The following TMEM106B variants were observed in gnomAD, a reference collection of about 807,000 sequenced individuals.
The protein encoded by TMEM106B is transmembrane protein 106B.
Under a neutral mutation model 31.1 loss-of-function variants are expected in TMEM106B, and 15 were observed. The ratio of observed to expected loss-of-function variants is 0.48; its 90% CI spans 0.32 to 0.74. The LOEUF (loss-of-function observed/expected upper bound fraction) is 0.74, where lower values mean the gene tolerates loss of function less well. Among genes scored for constraint, TMEM106B ranks in the 30% least tolerant of loss-of-function variants. The pLI is 0.03. For synonymous variants in TMEM106B, 126 were observed against 112.5 expected (o/e 1.12, Z -0.76); for missense variants, 283 against 327.3 (o/e 0.86, Z 1.04).
In TMEM106B at chr7:12,239,551, A is replaced by G. The variant is rs138886285; in HGVS notation, c.*7576A>G. 68 of 152,292 alleles carry G rather than the reference A, an allele frequency of 4.5e-4. No homozygotes were observed. Among genetic ancestry groups the G allele is most frequent in the African/African-American group, 1.6e-3 (65 of 41,570 alleles). The allele number at this position is 152,292 out of a possible 1,614,324, so 9.4% of individuals were successfully genotyped here. ...TGACTTTCCAAGATTGTCCTTGGTG[A>G]GAAATGCTTGATTACTAGGTGTAAT... On this transcript the variant is annotated 3_prime_UTR_variant, in exon 8 of 8. Transcript: ENST00000396668.
At chr7:12,229,557 T>C (rs1781973009) in intron 4 of TMEM106B, 122 bp from the exon 5 acceptor site, 1 of 781,886 alleles carries the variant, frequency 1.3e-6, no homozygotes, top group Non-Finnish European at 1.9e-6. Context: ...CTTTGACATT[T>C]TGGTATTACT....
intron 3 of TMEM106B, among the ~76,000 whole-genome samples, chr7:12,223,495 T>C (rs1329354231): frequency 1.3e-5 from 2 of 152,112 alleles, no homozygotes; most frequent in Non-Finnish European, 2.9e-5. Flanking sequence ...TTCCCCATCA[T>C]TATTATTTCT....
At chr7:12,224,466 G>A (rs545758022) in intron 4 of TMEM106B, 81 bp downstream of exon 4, 164 of 1,218,218 alleles carry the variant, frequency 1.3e-4, no homozygotes, top group Admixed American at 3.7e-4. Context: ...ATTGAGAAGA[G>A]ATGTTTGTTA....
chr7:12,231,242 C>A, intron 7 of TMEM106B, 127 bp downstream of exon 7: 2 of 656,620 alleles, frequency 3.0e-6, no homozygotes, highest in Non-Finnish European at 2.6e-6. Flanking sequence ...TACAAGAGTG[C>A]TATGAGTAAA....
chr7:12,225,540 G>A (rs1412594912), intron 4 of TMEM106B, among the ~76,000 whole-genome samples: 4 of 152,084 alleles, frequency 2.6e-5, no homozygotes, highest in African/African-American at 9.7e-5. Context: ...GTTGTTTCCT[G>A]AACTTTTTAA....
chr7:12,227,251 G>A (rs1781919285), intron 4 of TMEM106B, among the ~76,000 whole-genome samples: 1 of 151,918 alleles, frequency 6.6e-6, no homozygotes, highest in Non-Finnish European at 1.5e-5. Context: ...GAACTGCTTT[G>A]CTTTCTTAAA....
intron 3 of TMEM106B, among the ~76,000 whole-genome samples, chr7:12,222,380 A>G (rs566898766): frequency 5.9e-5 from 9 of 152,170 alleles, no homozygotes; most frequent in Non-Finnish European, 1.0e-4. Flanking sequence ...TTATTGTCCC[A>G]CCAGGTTCAG....
At chr7:12,219,037 T>TC (rs1253591212) in intron 3 of TMEM106B, among the ~76,000 whole-genome samples, 5 of 109,078 alleles carry the variant, frequency 4.6e-5, no homozygotes, top group African/African-American at 2.2e-4. Flanking sequence ...ATTTGCATGC[T>TC]CTAGCTTGGA....
intron 3 of TMEM106B, among the ~76,000 whole-genome samples, chr7:12,220,252 G>T (rs569916095): frequency 1.6e-4 from 24 of 152,244 alleles, no homozygotes; most frequent in African/African-American, 5.8e-4. Context: ...AAAAGTGGGA[G>T]AACTTTTTAA....
chr7:12,212,283 G>A (rs1276543357), intron 1 of TMEM106B, among the ~76,000 whole-genome samples: 1 of 152,144 alleles, frequency 6.6e-6, no homozygotes, highest in Non-Finnish European at 1.5e-5. Flanking sequence ...ATCCCAGAAA[G>A]AGTGCCCTTA....
rs1782055488 is a variant in TMEM106B at position 12,232,955 on chromosome 7, G to C, written c.*980G>C. 1.3e-5 allele frequency: 2 copies of C among 151,702 alleles called. No individual in the cohort carries two copies. The highest frequency in any genetic ancestry group is 4.8e-5 in the African/African-American group (2 of 41,404). 9.4% of individuals were successfully genotyped at this position (151,702 alleles called of 1,614,324 possible). ...AATGGTGTAGACATGTTTTGCAACTGTTAGGTACCCAGTTATCAATTTTAT... is the reference window on the plus strand; with the variant it reads ...AATGGTGTAGACATGTTTTGCAACTCTTAGGTACCCAGTTATCAATTTTAT... On this transcript the variant is annotated 3_prime_UTR_variant, in exon 8 of 8. Coordinates refer to ENST00000396668, the MANE Select transcript of TMEM106B (RefSeq NM_001134232.2).
At chr7:12,219,572 A>G (rs1301011523) in intron 3 of TMEM106B, among the ~76,000 whole-genome samples, 1 of 152,186 alleles carries the variant, frequency 6.6e-6, no homozygotes, top group Non-Finnish European at 1.5e-5. Flanking sequence ...TTAACTTAAT[A>G]CTATAAAAGC....
intron 7 of TMEM106B, chr7:12,231,340 A>G (rs1782018679): frequency 2.3e-6 from 1 of 438,648 alleles, no homozygotes; most frequent in South Asian, 3.4e-5. Flanking sequence ...TGGATGTCAC[A>G]AGAGTTCAGG....
At chr7:12,224,205 A>C in intron 3 of TMEM106B, 21 bp from the exon 4 acceptor site, 1 of 1,604,628 alleles carries the variant, frequency 6.2e-7, no homozygotes, top group Non-Finnish European at 8.5e-7. Flanking sequence ...ATGTACTTAA[A>C]TACCCTCTTT....
rs71529336 is a variant in TMEM106B, at chr7:12,235,307, A to G, written c.*3332A>G. ...GAGATTTGAAATAAGAATAGTATGA[A>G]AATATTAGATACCACATAAATTGTT... On this transcript the variant is annotated 3_prime_UTR_variant, in exon 8 of 8. Transcript: ENST00000396668. 8,574 of 152,364 alleles carry G rather than the reference A, an allele frequency of 0.056. 334 individuals carry two copies. Among genetic ancestry groups the G allele is most frequent in the Middle Eastern group, 0.11 (31 of 294 alleles). The allele number at this position is 152,364 out of a possible 1,614,324, so 9.4% of individuals were successfully genotyped here.
At chr7:12,220,089 T>C (rs946412042) in intron 3 of TMEM106B, among the ~76,000 whole-genome samples, 1 of 152,182 alleles carries the variant, frequency 6.6e-6, no homozygotes, top group African/African-American at 2.4e-5. Flanking sequence ...GCTTCTTGAC[T>C]ACAGTGCCTC....
At chr7:12,215,727 T>C in intron 2 of TMEM106B, 1 of 222,400 alleles carries the variant, frequency 4.5e-6, no homozygotes, top group Non-Finnish European at 1.0e-5. Flanking sequence ...CAACCTAATA[T>C]TTTTAATTCA....
rs1250766508 is a variant in TMEM106B, at chr7:12,235,071, AGTG to A, written c.*3097_*3099del. 6.6e-6 allele frequency: 1 copy of A among 152,348 alleles called. No homozygotes were observed. The highest frequency in any genetic ancestry group is 2.4e-5 in the African/African-American group (1 of 41,432). 9.4% of individuals were successfully genotyped at this position (152,348 alleles called of 1,614,324 possible). ...TGAGAGGAAAGTTCAAATAGTTAGT[AGTG>A]ACAAACTAATACTGCTGGACTAAGA... On this transcript the variant is annotated 3_prime_UTR_variant, in exon 8 of 8. Transcript: ENST00000396668.
At position 12,238,739 on chromosome 7, in the gene TMEM106B, G is replaced by A. The variant is rs1273989327; in HGVS notation, c.*6764G>A. On this transcript the variant is annotated 3_prime_UTR_variant, in exon 8 of 8. Transcript: ENST00000396668. ...GGGTGACCAGGTACATTGTCAATGA[G>A]TAGTAATACTTTGAAAGGAATTTTT... The A allele has an allele frequency of 2.0e-5, 3 of 152,256 alleles. No homozygotes were observed. The highest frequency in any genetic ancestry group is 4.8e-5 in the African/African-American group (2 of 41,558). The allele number at this position is 152,256 out of a possible 1,614,324, so 9.4% of individuals were successfully genotyped here.
Sources: allele counts gnomAD v4.1 joint callset (sites outside exome capture counted in the v4.1 genomes callset), GRCh38; gene constraint gnomAD v4.1.1; transcripts MANE v1.5; gene names NCBI Gene and HGNC (gene_info 2026-07-23, HGNC 2026-07-21).